PCDHA3: variants seen among roughly 807,000 people sequenced by gnomAD.
PCDHA3 encodes protocadherin alpha-3.
In PCDHA3, 41 loss-of-function variants were observed where a neutral mutation model predicts 62.2. That is an observed-to-expected ratio of 0.66 (90% CI 0.51 to 0.86). PCDHA3 has a LOEUF of 0.86. Ranked by LOEUF, PCDHA3 falls within the 40% of genes least tolerant of loss-of-function variation. PCDHA3 has a pLI of 0.00. For synonymous variants in PCDHA3, 640 were observed against 555.4 expected (o/e 1.15, Z -2.14); for missense variants, 1,304 against 1,241.2 (o/e 1.05, Z -0.76).
At chr5:140,915,362 A>C (rs2077085780) in intron 1 of PCDHA3, among the ~76,000 whole-genome samples, 2 of 152,274 alleles carry the variant, frequency 1.3e-5, no homozygotes, top group East Asian at 3.9e-4. Flanking sequence ...TATTCTTACC[A>C]GTAAGTGTCT....
In PCDHA3 at chr5:140,829,286, T is replaced by C. The variant is rs2150165207; in HGVS notation, c.2394+25695T>C. 13 of 1,614,254 alleles carry C rather than the reference T, an allele frequency of 8.1e-6. No individual in the cohort carries two copies. The African/African-American group carries it at 1.3e-4, about 17-fold the overall frequency. ...GCCTCACGTCCCTTTCAAGCTGGTG[T>C]CCACCTTCAAGAATTACTACTCGTT... is the stretch of plus-strand genomic sequence containing the variant. On this transcript the variant is annotated intron_variant, in intron 1 of 3. Transcript: ENST00000522353.
At chr5:140,897,227 CA>C (rs1408350956) in intron 1 of PCDHA3, among the ~76,000 whole-genome samples, 2 of 152,036 alleles carry the variant, frequency 1.3e-5, no homozygotes, top group African/African-American at 2.4e-5. Context: ...TACATGTGCA[CA>C]ATGTGCAGGT....
chr5:140,862,608 A>G (rs565248341), intron 1 of PCDHA3: 1 of 519,626 alleles, frequency 1.9e-6, no homozygotes, highest in East Asian at 5.2e-5. Flanking sequence ...TGTTCGTGAA[A>G]GGTAACAACC....
intron 1 of PCDHA3, chr5:140,809,569 A>G: frequency 6.2e-7 from 1 of 1,605,782 alleles, no homozygotes; most frequent in Non-Finnish European, 8.5e-7. Flanking sequence ...AATCCTTTGC[A>G]AAGGTTAGTG....
At position 140,968,542 on chromosome 5, in the gene PCDHA3, G is replaced by A. The variant is rs782474856; in HGVS notation, c.2395-10407G>A. On this transcript the variant is annotated intron_variant, in intron 1 of 3. Transcript: ENST00000522353. ...CAACCAACTCGTCAGCAGCCTTCGA[G>A]ATGGTGCCTCGAACTGCCCCTGCTG... is the stretch of plus-strand genomic sequence containing the variant. The A allele has an allele frequency of 1.1e-5, 18 of 1,614,204 alleles. 2 individuals are homozygous for A. In the South Asian group the frequency reaches 2.0e-4, roughly 18 times the overall value.
chr5:140,838,830 G>T lies in PCDHA3; in HGVS notation c.2394+35239G>T, dbSNP rs2150292809. 1.2e-3 allele frequency among the ~76,000 whole-genome samples: 185 copies of T among 152,000 alleles called. 4 individuals carry two copies. Among genetic ancestry groups the T allele is most frequent in the African/African-American group, 4.4e-3 (182 of 41,426 alleles). ...TCAGCTACTCAAGAAACTGAGGTGG[G>T]AGGATCACTTAAGCCAGGGAGGTCC... On this transcript the variant is annotated intron_variant, in intron 1 of 3. Transcript: ENST00000522353.
chr5:140,871,361 G>C (rs1554165481), intron 1 of PCDHA3: 4 of 1,614,220 alleles, frequency 2.5e-6, no homozygotes, highest in South Asian at 2.2e-5. Flanking sequence ...TCGCAGCAGA[G>C]GCGGCAGAGG....
chr5:140,963,717 T>C (rs2095787814), intron 1 of PCDHA3, among the ~76,000 whole-genome samples: 1 of 152,256 alleles, frequency 6.6e-6, no homozygotes, highest in Admixed American at 6.5e-5. Context: ...ATGCTACATA[T>C]AGACTGCCAA....
intron 1 of PCDHA3, among the ~76,000 whole-genome samples, chr5:140,949,282 T>C (rs1308331025): frequency 6.6e-6 from 1 of 151,850 alleles, no homozygotes; most frequent in African/African-American, 2.4e-5. Flanking sequence ...GAAAAGAATG[T>C]ATATTCTGTA....
At chr5:140,829,189 T>C in intron 1 of PCDHA3, 1 of 1,614,208 alleles carries the variant, frequency 6.2e-7, no homozygotes, top group Non-Finnish European at 8.5e-7. Context: ...CTCAATTTGG[T>C]ACTGTCATCG....
At position 140,882,112 on chromosome 5, in the gene PCDHA3, C is replaced by A. The variant is rs1399071152; in HGVS notation, c.2394+78521C>A. On this transcript the variant is annotated intron_variant, in intron 1 of 3. Transcript: ENST00000522353. ...CTGAGAACGTTTCCGCGAAGAAAGC[C>A]GCCGTTTCTTTCTTCCTGCAGAAAA... 4 of 1,384,574 alleles carry A rather than the reference C, an allele frequency of 2.9e-6. No individual in the cohort carries two copies. The Admixed American group carries it at 7.3e-5, about 25-fold the overall frequency. 85.8% of individuals were successfully genotyped at this position (1,384,574 alleles called of 1,614,324 possible).
chr5:140,834,233 T>G, intron 1 of PCDHA3: 1 of 758,570 alleles, frequency 1.3e-6, no homozygotes, highest in Non-Finnish European at 2.1e-6. Flanking sequence ...AGGAAGTCAT[T>G]CCTTTTCGCA....
chr5:140,897,255 C>A (rs890766563), intron 1 of PCDHA3, among the ~76,000 whole-genome samples: 2 of 151,828 alleles, frequency 1.3e-5, no homozygotes, highest in Admixed American at 1.3e-4. Flanking sequence ...CATATGTATA[C>A]ATGTGCCATG....
intron 1 of PCDHA3, chr5:140,869,555 G>C (rs2051240207): frequency 6.2e-7 from 1 of 1,614,054 alleles, no homozygotes; most frequent in Non-Finnish European, 8.5e-7. Flanking sequence ...TCGGACTCGC[G>C]TTTTCCACTA....
intron 1 of PCDHA3, chr5:140,927,596 G>T: frequency 6.2e-7 from 1 of 1,614,162 alleles, no homozygotes; most frequent in Non-Finnish European, 8.5e-7. Context: ...GTATTTGAGC[G>T]CTCCGTATAC....
chr5:140,850,670 G>A, intron 1 of PCDHA3: 1 of 1,598,618 alleles, frequency 6.3e-7, no homozygotes, highest in Non-Finnish European at 8.6e-7. Context: ...GGTGCTCGGC[G>A]ATGCCCACCG....
At chr5:140,874,530 G>T (rs1332198120) in intron 1 of PCDHA3, among the ~76,000 whole-genome samples, 2 of 152,200 alleles carry the variant, frequency 1.3e-5, no homozygotes, top group Admixed American at 6.5e-5. Flanking sequence ...ATGAGATTAG[G>T]CTCCAAAACC....
intron 1 of PCDHA3, among the ~76,000 whole-genome samples, chr5:140,920,841 T>TAAA (rs781921146): frequency 2.7e-5 from 3 of 109,230 alleles, no homozygotes; most frequent in East Asian, 2.6e-4. Context: ...AGACCAAATC[T>TAAA]AAAAAAAAAA....
At chr5:140,807,454 G>T in intron 1 of PCDHA3, 1 of 1,607,652 alleles carries the variant, frequency 6.2e-7, no homozygotes, top group South Asian at 1.1e-5. Flanking sequence ...TGAATTCTCG[G>T]ATCGACCGGG....
Sources: gnomAD v4.1 joint callset for allele counts (sites outside exome capture counted in the v4.1 genomes callset) on GRCh38, gnomAD v4.1.1 for gene constraint, MANE v1.5 for transcripts, NCBI Gene and HGNC (gene_info 2026-07-23, HGNC 2026-07-21) for gene names.